The following PPP2R2B variants were observed in gnomAD, a reference collection of about 807,000 sequenced individuals.
PPP2R2B encodes protein phosphatase 2 regulatory subunit Bbeta.
Under a neutral mutation model 46.0 loss-of-function variants are expected in PPP2R2B, and 5 were observed. That is an observed-to-expected ratio of 0.11 (90% confidence interval 0.06 to 0.23). The LOEUF is 0.23. PPP2R2B is among the 10% of genes least tolerant of loss of function. The pLI, the probability that PPP2R2B is intolerant of heterozygous loss-of-function variation, is 1.00. For missense variants in PPP2R2B, 367 were observed against 575.0 expected (o/e 0.64, Z 3.70); for synonymous variants, 215 against 206.7 (o/e 1.04, Z -0.34).
At chr5:146,803,589 A>AT (rs1482439841) in intron 2 of PPP2R2B, among the ~76,000 whole-genome samples, 1 of 152,196 alleles carries the variant, frequency 6.6e-6, no homozygotes, top group Non-Finnish European at 1.5e-5. Context: ...ATGCAGCTTT[A>AT]TTTAAGTCAT....
At chr5:146,883,682 C>T (rs370682349), upstream of PPP2R2B, among the ~76,000 whole-genome samples, 11 of 152,278 alleles carry the variant, frequency 7.2e-5, no homozygotes, top group South Asian at 4.2e-4. Context: ...AGGTGGTTTA[C>T]GTGCTGTCTA....
rs938127579 is a variant in PPP2R2B at position 146,588,612 on chromosome 5, C to A, written c.*1335G>T. 1.3e-5 allele frequency: 2 copies of A among 152,168 alleles called. No individual in the cohort carries two copies. The highest frequency in any genetic ancestry group is 2.9e-5 in the Non-Finnish European group (2 of 68,046). 9.4% of individuals were successfully genotyped at this position (152,168 alleles called of 1,614,324 possible). On this transcript the variant is annotated 3_prime_UTR_variant, in exon 10 of 10. Transcript: ENST00000394411. ...ATAAATCCTTTGCATGCATTTAGTG[C>A]CTTTCCTAGGGGTGTGCCACATAGA...
At chr5:146,882,668 A>G (rs1762204702), upstream of PPP2R2B, among the ~76,000 whole-genome samples, 1 of 152,238 alleles carries the variant, frequency 6.6e-6, no homozygotes, top group Non-Finnish European at 1.5e-5. Context: ...CAAATGTGCA[A>G]GTACTTAACT....
chr5:146,927,691 G>T (rs1763824080), intron 1 of PPP2R2B, among the ~76,000 whole-genome samples: 1 of 151,004 alleles, frequency 6.6e-6, no homozygotes, highest in South Asian at 2.1e-4. Flanking sequence ...ACTCCAGGCA[G>T]CCATTATATG....
intron 5 of PPP2R2B, among the ~76,000 whole-genome samples, chr5:146,689,931 G>A (rs1336721055): frequency 6.6e-6 from 1 of 152,226 alleles, no homozygotes; most frequent in Non-Finnish European, 1.5e-5. Context: ...ACACCTAATA[G>A]TCTAGCATGG....
intron 2 of PPP2R2B, among the ~76,000 whole-genome samples, chr5:146,857,383 G>A (rs1045668759): frequency 6.6e-6 from 1 of 151,976 alleles, no homozygotes; most frequent in Non-Finnish European, 1.5e-5. Flanking sequence ...CACTAATATA[G>A]AACAAAAGGT....
rs541301735 is a variant in PPP2R2B, at chr5:146,912,370, G to A, written c.79+143295C>T. Among the ~76,000 whole-genome samples, 39 of 152,156 alleles carry A rather than the reference G, an allele frequency of 2.6e-4. No homozygotes were observed. The South Asian group carries it at 5.0e-3, about 19-fold the overall frequency. On this transcript the variant is annotated intron_variant, in intron 1 of 8. Coordinates refer to the PPP2R2B transcript ENST00000336640. ...TTTTCTGAGGTAACATCTGAAGAAT[G>A]AGTGGGAGGTATACACATGAAGAGT...
intron 1 of PPP2R2B, among the ~76,000 whole-genome samples, chr5:146,905,884 A>G (rs1762980576): frequency 1.3e-5 from 2 of 152,152 alleles, no homozygotes; most frequent in South Asian, 4.1e-4. Flanking sequence ...GCTTTTGGGG[A>G]TGATGGAAAT....
chr5:146,807,383 G>T (rs1167942440), intron 2 of PPP2R2B, among the ~76,000 whole-genome samples: 1 of 152,166 alleles, frequency 6.6e-6, no homozygotes, highest in African/African-American at 2.4e-5. Flanking sequence ...CAGAGGAAAA[G>T]TTTGTCTTGG....
intron 1 of PPP2R2B, among the ~76,000 whole-genome samples, chr5:146,909,666 CTG>C (rs1763113800): frequency 6.6e-6 from 1 of 152,214 alleles, no homozygotes. Flanking sequence ...GCAGCTGCCA[CTG>C]TGTTGCAAGC....
At position 146,886,857 on chromosome 5, in the gene PPP2R2B, A is replaced by G. The variant is rs80112816; in HGVS notation, c.79+168808T>C. On this transcript the variant is annotated intron_variant, in intron 1 of 8. Coordinates refer to the PPP2R2B transcript ENST00000336640. ...AAAAAAAATAAGTATTTTTAATGCC[A>G]TGAAATACTTTATAGGATGAAACTT... is the stretch of plus-strand genomic sequence containing the variant. Among the ~76,000 whole-genome samples, 730 of 152,062 alleles carry G rather than the reference A, an allele frequency of 4.8e-3. 1 individual carries two copies. The highest frequency in any genetic ancestry group is 0.021 in the Middle Eastern group (6 of 292).
At chr5:147,034,905 T>C (rs2151893595) in intron 1 of PPP2R2B, among the ~76,000 whole-genome samples, 1 of 152,140 alleles carries the variant, frequency 6.6e-6, no homozygotes, top group South Asian at 2.1e-4. Flanking sequence ...GGATAACTGA[T>C]GACTGAAACT....
intron 1 of PPP2R2B, among the ~76,000 whole-genome samples, chr5:147,015,391 C>A (rs1160712805): frequency 6.6e-6 from 1 of 151,628 alleles, no homozygotes; most frequent in East Asian, 2.1e-4. Flanking sequence ...TATTCTTTTG[C>A]TCCATTCAAA....
chr5:147,028,753 C>CCATTTT (rs1377069629), intron 1 of PPP2R2B, among the ~76,000 whole-genome samples: 3 of 152,060 alleles, frequency 2.0e-5, no homozygotes, highest in Admixed American at 6.5e-5. Context: ...GTGGATTTAC[C>CCATTTT]CATTTTCCAA....
intron 2 of PPP2R2B, among the ~76,000 whole-genome samples, chr5:146,704,496 CTT>C (rs1779717410): frequency 1.3e-5 from 2 of 152,196 alleles, no homozygotes; most frequent in South Asian, 2.1e-4. Flanking sequence ...AAACTACAAA[CTT>C]GAGCATTTTT....
chr5:146,584,345 A>G lies in PPP2R2B; in HGVS notation c.*5602T>C, dbSNP rs1035000332. ...AAGTTGGAGACCTGTGAGCCACTTG[A>G]CTTCACTCTCTGCTTTGATGACAGA... is the stretch of plus-strand genomic sequence containing the variant. On this transcript the variant is annotated 3_prime_UTR_variant, in exon 10 of 10. Coordinates refer to ENST00000394411, the MANE Select transcript of PPP2R2B (RefSeq NM_181675.4). 5.9e-5 allele frequency: 9 copies of G among 152,190 alleles called. No homozygotes were observed. The highest frequency in any genetic ancestry group is 2.2e-4 in the African/African-American group (9 of 41,448). The allele number at this position is 152,190 out of a possible 1,614,324, so 9.4% of individuals were successfully genotyped here. A position where few individuals can be genotyped will look rare whatever the true frequency, so the allele number is the denominator to read the frequency against.
At chr5:146,786,593 C>T (rs1031833146) in intron 2 of PPP2R2B, among the ~76,000 whole-genome samples, 5 of 152,182 alleles carry the variant, frequency 3.3e-5, no homozygotes, top group African/African-American at 9.6e-5. Flanking sequence ...CTGCTTTCTC[C>T]GAGCTCTTAA....
chr5:146,632,328 G>GA (rs1171105175), intron 7 of PPP2R2B, among the ~76,000 whole-genome samples: 1 of 152,132 alleles, frequency 6.6e-6, no homozygotes, highest in African/African-American at 2.4e-5. Context: ...GCCTCCAGAA[G>GA]AAACCAACCC....
At chr5:146,856,354 GAAC>G (rs1387400917) in intron 2 of PPP2R2B, 33 of 612,480 alleles carry the variant, frequency 5.4e-5, no homozygotes, top group Middle Eastern at 8.8e-4. Context: ...GTGTCCTACG[GAAC>G]AAATTTTAAG....
Sources: gnomAD v4.1 joint callset for allele counts (sites outside exome capture counted in the v4.1 genomes callset) on GRCh38, gnomAD v4.1.1 for gene constraint, MANE v1.5 for transcripts, NCBI Gene and HGNC (gene_info 2026-07-23, HGNC 2026-07-21) for gene names.